The following NDUFAF2 variants were observed in gnomAD, a reference collection of about 807,000 sequenced individuals.
The protein encoded by NDUFAF2 is NADH:ubiquinone oxidoreductase complex assembly factor 2.
A neutral mutation model predicts 22.8 loss-of-function variants in NDUFAF2; 13 were observed. The ratio of observed to expected loss-of-function variants is 0.57; its 90% CI spans 0.37 to 0.91. NDUFAF2 has a LOEUF of 0.91. NDUFAF2 is among the 40% of genes least tolerant of loss of function. The probability of loss-of-function intolerance (pLI) is 0.01; values close to 1 mark genes in which losing one functional copy is unlikely to be tolerated. For missense variants in NDUFAF2, 162 were observed against 195.2 expected (o/e 0.83, Z 1.01); for synonymous variants, 53 against 64.2 (o/e 0.83, Z 0.84).
chr5:61,073,057 A>G (rs953417812), intron 1 of NDUFAF2, 68 bp from the exon 2 acceptor site: 1 of 959,148 alleles, frequency 1.0e-6, no homozygotes, highest in Non-Finnish European at 1.7e-6. Context: ...GCAATATTCA[A>G]AGATTAATTG....
intron 1 of NDUFAF2, among the ~76,000 whole-genome samples, chr5:61,010,452 C>T (rs1433571709): frequency 1.3e-5 from 2 of 151,930 alleles, no homozygotes; most frequent in African/African-American, 4.8e-5. Context: ...TAGCTACCTT[C>T]TCCTCCTTCT....
At chr5:61,145,541 T>TG (rs1352078153) in intron 3 of NDUFAF2, among the ~76,000 whole-genome samples, 2 of 152,136 alleles carry the variant, frequency 1.3e-5, no homozygotes, top group African/African-American at 4.8e-5. Flanking sequence ...TCAAAGGATT[T>TG]GGGGATACTT....
chr5:61,027,196 G>C (rs1323583326), intron 1 of NDUFAF2, among the ~76,000 whole-genome samples: 2 of 150,752 alleles, frequency 1.3e-5, no homozygotes, highest in Non-Finnish European at 3.0e-5. Flanking sequence ...CAGTTGTTTT[G>C]TTATGTTTAA....
intron 2 of NDUFAF2, among the ~76,000 whole-genome samples, chr5:61,080,350 A>T (rs1752426896): frequency 6.6e-6 from 1 of 152,236 alleles, no homozygotes; most frequent in Non-Finnish European, 1.5e-5. Context: ...TGATTTTATA[A>T]AAAACTGCCA....
intron 1 of NDUFAF2, among the ~76,000 whole-genome samples, chr5:61,050,839 AG>A (rs2111698465): frequency 6.6e-6 from 1 of 152,326 alleles, no homozygotes; most frequent in African/African-American, 2.4e-5. Context: ...ATTTTAACAT[AG>A]TGGACTATGT....
At chr5:60,985,656 A>G (rs1328002436) in intron 1 of NDUFAF2, among the ~76,000 whole-genome samples, 3 of 152,158 alleles carry the variant, frequency 2.0e-5, no homozygotes, top group Admixed American at 2.0e-4. Context: ...TTATGTACCC[A>G]GTAGTCATTC....
chr5:60,976,352 T>A (rs1362218000), intron 1 of NDUFAF2, among the ~76,000 whole-genome samples: 1 of 152,146 alleles, frequency 6.6e-6, no homozygotes, highest in Non-Finnish European at 1.5e-5. Context: ...TAAAGCTTTT[T>A]TAGGCTTTAT....
intron 1 of NDUFAF2, 177 bp downstream of exon 1, chr5:60,945,559 ACCCGG>A: frequency 3.1e-6 from 3 of 976,930 alleles, no homozygotes; most frequent in Non-Finnish European, 3.1e-6. Context: ...TCGGAGCCCT[ACCCGG>A]CCCGGCTCTG....
chr5:61,132,974 C>T (rs1174157334), intron 3 of NDUFAF2, among the ~76,000 whole-genome samples: 2 of 146,464 alleles, frequency 1.4e-5, no homozygotes, highest in Admixed American at 7.1e-5. Flanking sequence ...GCACTGTCTT[C>T]ATAATGGTGG....
rs1752817022 is a variant in NDUFAF2, at chr5:61,109,883, T to C, written c.258+10851T>C. Among the ~76,000 whole-genome samples, 2 of 152,310 alleles carry C rather than the reference T, an allele frequency of 1.3e-5. 1 individual carries two copies. Among genetic ancestry groups the C allele is most frequent in the East Asian group, 3.9e-4 (2 of 5,180 alleles). Reference sequence around the variant, plus strand: ...AAACCTCTTCTTTTAATAAATTACCTGGTCTCAAGTATGTCTTTATCGCAG... The same window carrying C: ...AAACCTCTTCTTTTAATAAATTACCCGGTCTCAAGTATGTCTTTATCGCAG... On this transcript the variant is annotated intron_variant, in intron 3 of 3. Coordinates refer to ENST00000296597, the MANE Select transcript of NDUFAF2 (RefSeq NM_174889.5).
chr5:61,016,190 A>ATAT (rs138407203), intron 1 of NDUFAF2, among the ~76,000 whole-genome samples: 153 of 146,972 alleles, frequency 1.0e-3, no homozygotes, highest in Admixed American at 2.6e-3. Flanking sequence ...ATCTAAAAAA[A>ATAT]AAATATATAT....
chr5:61,084,157 G>A (rs2111746566), intron 2 of NDUFAF2, among the ~76,000 whole-genome samples: 1 of 151,138 alleles, frequency 6.6e-6, no homozygotes, highest in Middle Eastern at 3.5e-3. Context: ...TCGGTTGCTG[G>A]GCATTTTTAT....
intron 1 of NDUFAF2, among the ~76,000 whole-genome samples, chr5:61,047,330 G>A (rs1384821061): frequency 7.2e-5 from 11 of 151,996 alleles, no homozygotes; most frequent in South Asian, 4.1e-4. Context: ...GAGGCACAGG[G>A]AAGTTAAGTA....
chr5:61,007,845 A>G (rs562015845), intron 1 of NDUFAF2, among the ~76,000 whole-genome samples: 1 of 152,154 alleles, frequency 6.6e-6, no homozygotes, highest in Non-Finnish European at 1.5e-5. Flanking sequence ...ATAAAGACAC[A>G]TGCACACGTA....
chr5:61,147,857 C>T (rs1029154154), intron 3 of NDUFAF2, among the ~76,000 whole-genome samples: 1 of 152,094 alleles, frequency 6.6e-6, no homozygotes, highest in Non-Finnish European at 1.5e-5. Flanking sequence ...GTGACCCTTC[C>T]GGGATCTTTA....
At chr5:60,970,810 A>G (rs547421570) in intron 1 of NDUFAF2, among the ~76,000 whole-genome samples, 29 of 152,260 alleles carry the variant, frequency 1.9e-4, no homozygotes, top group African/African-American at 7.0e-4. Context: ...CATTCTCTCC[A>G]TTATTGAGAT....
chr5:61,090,782 C>A (rs992499782), intron 2 of NDUFAF2, among the ~76,000 whole-genome samples: 1 of 151,978 alleles, frequency 6.6e-6, no homozygotes, highest in South Asian at 2.1e-4. Context: ...TATTTAATCA[C>A]CCAAGTATTC....
At chr5:60,948,238 G>A (rs1750491090) in intron 1 of NDUFAF2, among the ~76,000 whole-genome samples, 1 of 152,026 alleles carries the variant, frequency 6.6e-6, no homozygotes, top group African/African-American at 2.4e-5. Context: ...TGTTTATTTT[G>A]AGATGGAGTC....
chr5:61,099,604 A>G (rs1031271882), intron 3 of NDUFAF2, among the ~76,000 whole-genome samples: 17 of 151,578 alleles, frequency 1.1e-4, no homozygotes, highest in Non-Finnish European at 2.1e-4. Context: ...TAGAAATGCT[A>G]TGGTATATAT....
Sources: gnomAD v4.1 joint callset for allele counts (sites outside exome capture counted in the v4.1 genomes callset) on GRCh38, gnomAD v4.1.1 for gene constraint, MANE v1.5 for transcripts, NCBI Gene and HGNC (gene_info 2026-07-23, HGNC 2026-07-21) for gene names.